Variants in KCNMA1 observed in about 807,000 individuals in gnomAD.
KCNMA1 encodes potassium calcium-activated channel subfamily M alpha 1.
Under a neutral mutation model 140.0 loss-of-function variants are expected in KCNMA1, and 29 were observed. That is an observed-to-expected ratio of 0.21 (90% CI 0.15 to 0.28). The LOEUF (loss-of-function observed/expected upper bound fraction) is 0.28. Among genes scored for constraint, KCNMA1 ranks in the 10% least tolerant of loss-of-function variants. The pLI, the probability that KCNMA1 is intolerant of heterozygous loss-of-function variation, is 1.00. For missense variants in KCNMA1, 880 were observed against 1,602.2 expected, an observed-to-expected ratio of 0.55 and a Z score of 7.70; for synonymous variants, 612 against 611.9, an observed-to-expected ratio of 1.00 and a Z score of 0.00.
At chr10:76,948,682 T>A (rs913094783) in intron 22 of KCNMA1, among the ~76,000 whole-genome samples, 4 of 152,224 alleles carry the variant, frequency 2.6e-5, no homozygotes, top group Non-Finnish European at 5.9e-5. Flanking sequence ...GTTGGCCTTC[T>A]GTACAGCAGA....
chr10:77,024,140 T>C (rs2093164986), intron 16 of KCNMA1, among the ~76,000 whole-genome samples: 1 of 152,162 alleles, frequency 6.6e-6, no homozygotes, highest in Non-Finnish European at 1.5e-5. Context: ...TTTTCTGGTA[T>C]ACTTAGGACA....
intron 20 of KCNMA1, among the ~76,000 whole-genome samples, chr10:76,958,973 G>C (rs1435076366): frequency 6.6e-6 from 1 of 152,004 alleles, no homozygotes; most frequent in Admixed American, 6.6e-5. Flanking sequence ...AGTTTTTCTT[G>C]TCCATTTAAG....
chr10:77,545,555 A>T (rs994171366), intron 1 of KCNMA1, among the ~76,000 whole-genome samples: 7 of 152,202 alleles, frequency 4.6e-5, no homozygotes, highest in Non-Finnish European at 1.0e-4. Context: ...CCAGCAGAGT[A>T]TATACTGTCC....
At chr10:77,025,240 G>GAATATATATATATA (rs2093294856) in intron 16 of KCNMA1, among the ~76,000 whole-genome samples, 1 of 65,370 alleles carries the variant, frequency 1.5e-5, no homozygotes, top group Non-Finnish European at 3.0e-5. Flanking sequence ...AGGGGTGTGT[G>GAATATATATATATA]TGTATATATA....
At chr10:77,438,853 G>A (rs1167071295) in intron 1 of KCNMA1, among the ~76,000 whole-genome samples, 2 of 152,082 alleles carry the variant, frequency 1.3e-5, no homozygotes, top group Non-Finnish European at 2.9e-5. Flanking sequence ...AAGACGGGTG[G>A]ATCACCTGAG....
intron 1 of KCNMA1, among the ~76,000 whole-genome samples, chr10:77,545,462 T>C (rs2061223957): frequency 6.6e-6 from 1 of 152,210 alleles, no homozygotes; most frequent in African/African-American, 2.4e-5. Flanking sequence ...GCTGGCACTC[T>C]GTGGGCTGGG....
intron 8 of KCNMA1, among the ~76,000 whole-genome samples, chr10:77,109,058 TAA>T (rs71477068): frequency 1.4e-5 from 2 of 142,824 alleles, no homozygotes. Flanking sequence ...ATTTTTCTAT[TAA>T]AAAAAAAAAA....
intron 1 of KCNMA1, among the ~76,000 whole-genome samples, chr10:77,422,858 C>CA (rs2096896690): frequency 2.0e-5 from 3 of 152,228 alleles, no homozygotes; most frequent in Admixed American, 2.0e-4. Flanking sequence ...CTACAGGCTT[C>CA]AGAGGGAGGC....
At chr10:77,285,701 TA>T (rs1221251897) in intron 2 of KCNMA1, among the ~76,000 whole-genome samples, 3 of 152,076 alleles carry the variant, frequency 2.0e-5, no homozygotes, top group Non-Finnish European at 2.9e-5. Context: ...CCACATGGCA[TA>T]GGGGTGAGGT....
At chr10:77,555,065 C>CACACACACACACACACACAT (rs58664381) in intron 1 of KCNMA1, among the ~76,000 whole-genome samples, 1 of 151,920 alleles carries the variant, frequency 6.6e-6, no homozygotes, top group Non-Finnish European at 1.5e-5. Flanking sequence ...CATACACACA[C>CACACACACACACACACACAT]GCACGCACAC....
At chr10:77,633,968 T>C (rs564239078) in intron 1 of KCNMA1, 4 of 178,562 alleles carry the variant, frequency 2.2e-5, no homozygotes, top group Non-Finnish European at 3.3e-5. Context: ...AAACACATTC[T>C]GAGCTAGAAA....
intron 7 of KCNMA1, among the ~76,000 whole-genome samples, chr10:77,110,809 C>T (rs934557546): frequency 2.0e-5 from 3 of 152,202 alleles, no homozygotes; most frequent in Non-Finnish European, 2.9e-5. Flanking sequence ...GGGGCTGCCT[C>T]CTTCCATCAG....
At chr10:77,340,404 C>G (rs531105286) in intron 2 of KCNMA1, among the ~76,000 whole-genome samples, 2 of 152,288 alleles carry the variant, frequency 1.3e-5, no homozygotes, top group East Asian at 1.9e-4. Flanking sequence ...TATTAAGACA[C>G]ATGCACATGT....
At position 77,542,372 on chromosome 10, in the gene KCNMA1, T is replaced by A. The variant is rs1396361825; in HGVS notation, c.378+94893A>T. Among the ~76,000 whole-genome samples, 3 of 152,328 alleles carry A rather than the reference T, an allele frequency of 2.0e-5. No homozygotes were observed. In the East Asian group the frequency reaches 5.8e-4, roughly 29 times the overall value. The stretch of plus-strand genomic sequence containing the variant: ...ATGCCTGAGAATATGACAGAATCCC[T>A]GTGCTAACACCCCCTCCCTGTTTCT... On this transcript the variant is annotated intron_variant, in intron 1 of 27. Coordinates refer to ENST00000286628, the MANE Select transcript of KCNMA1 (RefSeq NM_001161352.2).
chr10:76,874,785 G>A (rs1347480682), downstream of KCNMA1: 1 of 152,112 alleles, frequency 6.6e-6, no homozygotes, highest in East Asian at 1.9e-4. Context: ...GTTTTATAAT[G>A]GTTCAAGATG....
intron 1 of KCNMA1, among the ~76,000 whole-genome samples, chr10:77,544,818 T>C (rs2061029187): frequency 6.6e-6 from 1 of 152,210 alleles, no homozygotes; most frequent in Non-Finnish European, 1.5e-5. Flanking sequence ...CTAGAAAGTA[T>C]TGCATCATAT....
Position 76,886,825 on chromosome 10 carries a change from A to G in KCNMA1, c.*441T>C. ...TGTGCTAACTTATTGTGTGTATAAA[A>G]AAAGAAAGAAAGGAAAACAACAACA... On this transcript the variant is annotated 3_prime_UTR_variant, in exon 28 of 28. Coordinates refer to ENST00000286628, the MANE Select transcript of KCNMA1 (RefSeq NM_001161352.2). The G allele has an allele frequency of 9.2e-7, 1 of 1,081,326 alleles. No homozygotes were observed. Among genetic ancestry groups the G allele is most frequent in the Non-Finnish European group, 1.1e-6 (1 of 887,714 alleles). 67.0% of individuals were successfully genotyped at this position (1,081,326 alleles called of 1,614,324 possible). A position where few individuals can be genotyped will look rare whatever the true frequency, so the allele number is the denominator to read the frequency against.
At chr10:77,438,786 G>C (rs1478003042) in intron 1 of KCNMA1, among the ~76,000 whole-genome samples, 1 of 151,924 alleles carries the variant, frequency 6.6e-6, no homozygotes, top group Non-Finnish European at 1.5e-5. Flanking sequence ...TTTCAAACAA[G>C]GCCGAGTGTA....
intron 1 of KCNMA1, among the ~76,000 whole-genome samples, chr10:77,593,553 T>C (rs2079878182): frequency 6.6e-6 from 1 of 152,238 alleles, no homozygotes; most frequent in South Asian, 2.1e-4. Flanking sequence ...AATAATGTCT[T>C]AAATTGCAGA....
Sources: gnomAD v4.1 joint callset for allele counts (sites outside exome capture counted in the v4.1 genomes callset) on GRCh38, gnomAD v4.1.1 for gene constraint, MANE v1.5 for transcripts, NCBI Gene and HGNC (gene_info 2026-07-23, HGNC 2026-07-21) for gene names.